CELF2: variants seen among roughly 807,000 people sequenced by gnomAD.
The protein encoded by CELF2 is CUGBP Elav-like family member 2, also known as CUG triplet repeat RNA-binding protein 2.
Under a neutral mutation model 62.6 loss-of-function variants are expected in CELF2, and 8 were observed. The ratio of observed to expected loss-of-function variants is 0.13; its 90% CI spans 0.07 to 0.23. CELF2 has a LOEUF of 0.23. CELF2 is among the 10% of genes least tolerant of loss of function. CELF2 has a pLI of 1.00. For missense variants in CELF2, 333 were observed against 671.0 expected (o/e 0.50, Z 5.56); for synonymous variants, 258 against 250.0 (o/e 1.03, Z -0.30).
chr10:11,033,491 A>G (rs951371013), intron 1 of CELF2, among the ~76,000 whole-genome samples: 1 of 152,200 alleles, frequency 6.6e-6, no homozygotes, highest in Admixed American at 6.5e-5. Flanking sequence ...TCCCGACCTC[A>G]GGTGATCCGC....
chr10:10,547,435 G>A, the CELF2 span, among the ~76,000 whole-genome samples: 418 of 152,292 alleles, frequency 2.7e-3, 3 homozygotes, highest in African/African-American at 9.5e-3. Flanking sequence ...ATGTTGGAAT[G>A]CCTCTCAAAC....
At chr10:10,734,902 T>C in the CELF2 span, among the ~76,000 whole-genome samples, 1 of 152,160 alleles carries the variant, frequency 6.6e-6, no homozygotes, top group African/African-American at 2.4e-5. Flanking sequence ...TAAACAAATT[T>C]CAAGGGCATT....
intron 8 of CELF2, among the ~76,000 whole-genome samples, chr10:11,276,095 T>C (rs980697306): frequency 9.2e-5 from 14 of 152,276 alleles, no homozygotes; most frequent in East Asian, 3.8e-4. Context: ...CTCCTTTTTT[T>C]CTACCTTTCT....
rs541498607 is a variant in CELF2 at position 10,890,758 on chromosome 10, T to C, written c.54-29206T>C. 2.6e-5 allele frequency among the ~76,000 whole-genome samples: 4 copies of C among 152,358 alleles called. No homozygotes were observed. The South Asian group carries it at 8.3e-4, about 32-fold the overall frequency. On this transcript the variant is annotated intron_variant, in intron 1 of 13. Transcript: ENST00000636488. ...GGCTGGGCGCTGTGGCTCATGCCTG[T>C]AATCCCAGCACTTTGGGAGGCCAAA...
At position 11,267,809 on chromosome 10, in the gene CELF2, G is replaced by A. The variant is rs1329481779; in HGVS notation, c.618+1132G>A. Among the ~76,000 whole-genome samples, 1 of 152,158 alleles carries A rather than the reference G, an allele frequency of 6.6e-6. No homozygotes were observed. ...AGTGAATCAAAAGGTGGGTGCAAAGGGGGGAAGGAGTGTGCATGGCATTGT... is the reference window on the plus strand; with the variant it reads ...AGTGAATCAAAAGGTGGGTGCAAAGAGGGGAAGGAGTGTGCATGGCATTGT... On this transcript the variant is annotated intron_variant, in intron 6 of 12. Transcript: ENST00000633077. This position sits in a 1 kb window ranked among gnomAD's most constrained non-coding sequence, Gnocchi z 4.4.
intron 1 of CELF2, among the ~76,000 whole-genome samples, chr10:11,009,341 G>T (rs962783061): frequency 1.3e-5 from 2 of 151,458 alleles, no homozygotes; most frequent in South Asian, 4.2e-4. Flanking sequence ...GTGTGTGCGC[G>T]TGTGTGTGAG....
At chr10:10,694,905 T>C in the CELF2 span, among the ~76,000 whole-genome samples, 1 of 150,988 alleles carries the variant, frequency 6.6e-6, no homozygotes, top group African/African-American at 2.4e-5. Context: ...CCTATGTGTG[T>C]CTCTGCACAT....
At chr10:10,523,346 T>G in the CELF2 span, among the ~76,000 whole-genome samples, 1 of 152,250 alleles carries the variant, frequency 6.6e-6, no homozygotes, top group Admixed American at 6.5e-5. Flanking sequence ...TTCAGCTAAA[T>G]GTATTTAAAT....
the CELF2 span, among the ~76,000 whole-genome samples, chr10:10,495,257 C>T: frequency 7.9e-5 from 12 of 152,086 alleles, no homozygotes; most frequent in South Asian, 6.2e-4. Context: ...TCAGCCTGGG[C>T]GACAGAGCGA....
upstream of CELF2, among the ~76,000 whole-genome samples, chr10:11,013,785 T>G (rs539872740): frequency 6.6e-6 from 1 of 152,346 alleles, no homozygotes; most frequent in Non-Finnish European, 1.5e-5. The surrounding 1 kb of genome is among the most constrained non-coding windows in gnomAD (Gnocchi z 4.1). Flanking sequence ...CATTTTAAAC[T>G]TATAATTGGC....
chr10:10,613,501 A>G, the CELF2 span, among the ~76,000 whole-genome samples: 2 of 152,216 alleles, frequency 1.3e-5, no homozygotes, highest in Non-Finnish European at 2.9e-5. Flanking sequence ...TGCTTCTGAC[A>G]TTTCATCGGG....
At chr10:11,236,760 T>A (rs942931352) in intron 3 of CELF2, among the ~76,000 whole-genome samples, 14 of 152,364 alleles carry the variant, frequency 9.2e-5, no homozygotes, top group Admixed American at 6.5e-4. Context: ...TAGCTGTTTC[T>A]GTATAATAAA....
chr10:11,133,322 A>G (rs1238157937), intron 1 of CELF2, among the ~76,000 whole-genome samples: 1 of 152,188 alleles, frequency 6.6e-6, no homozygotes, highest in African/African-American at 2.4e-5. Context: ...TTTAAACAGA[A>G]TCCTGAAAGC....
the CELF2 span, among the ~76,000 whole-genome samples, chr10:10,774,332 G>A: frequency 3.3e-5 from 5 of 152,168 alleles, no homozygotes; most frequent in Non-Finnish European, 7.3e-5. Flanking sequence ...GTTAAAACAG[G>A]GTGGTATGGG....
chr10:10,575,225 C>T, the CELF2 span, among the ~76,000 whole-genome samples: 2 of 152,086 alleles, frequency 1.3e-5, no homozygotes, highest in Non-Finnish European at 2.9e-5. Flanking sequence ...AATGAAAGAA[C>T]ACAAGAGAAC....
the CELF2 span, among the ~76,000 whole-genome samples, chr10:10,630,861 A>C: frequency 2.0e-5 from 3 of 152,210 alleles, no homozygotes; most frequent in Non-Finnish European, 4.4e-5. Context: ...AAGAATTCAA[A>C]GAGATGGCTC....
chr10:10,594,245 T>C, the CELF2 span, among the ~76,000 whole-genome samples: 1 of 152,136 alleles, frequency 6.6e-6, no homozygotes, highest in Non-Finnish European at 1.5e-5. Flanking sequence ...CTAGCTTAGG[T>C]GACTGGTGGA....
the CELF2 span, among the ~76,000 whole-genome samples, chr10:10,763,680 C>T: frequency 5.3e-5 from 8 of 152,134 alleles, no homozygotes; most frequent in African/African-American, 9.7e-5. Context: ...GAGGCACGAA[C>T]GCGGGAACAG....
chr10:10,983,281 T>C lies in CELF2; in HGVS notation c.89+63282T>C, dbSNP rs748119867. ...ACACATGTCCACATAGCATTATTTATACACATTTTAGTAAAACTAGCTGAG... is the reference window on the plus strand; with the variant it reads ...ACACATGTCCACATAGCATTATTTACACACATTTTAGTAAAACTAGCTGAG... On this transcript the variant is annotated intron_variant, in intron 2 of 13. Transcript: ENST00000636488. The surrounding 1 kb of genome is among the most constrained non-coding windows in gnomAD (Gnocchi z 5.2). Among the ~76,000 whole-genome samples the C allele has an allele frequency of 5.9e-5, 9 of 152,224 alleles. No individual in the cohort carries two copies. The highest frequency in any genetic ancestry group is 1.2e-4 in the Non-Finnish European group (8 of 68,046).
Sources: gnomAD v4.1 joint callset for allele counts (sites outside exome capture counted in the v4.1 genomes callset) on GRCh38, gnomAD v4.1.1 for gene constraint, Gnocchi (gnomAD v3.1) non-coding constraint, MANE v1.5 for transcripts, NCBI Gene and HGNC (gene_info 2026-07-23, HGNC 2026-07-21) for gene names.